FAM47B: variants seen among roughly 807,000 people sequenced by gnomAD.
FAM47B encodes the protein protein FAM47B.
For missense variants in FAM47B, 581 were observed against 550.1 expected (o/e 1.06, Z -0.56); for synonymous variants, 247 against 215.8 (o/e 1.14, Z -1.27).
chrX:34,943,703 G>A lies in FAM47B; in HGVS notation c.872G>A (p.Arg291His), dbSNP rs765110360. 6.6e-6 allele frequency: 8 copies of A among 1,206,261 alleles called. No homozygotes were observed. The highest frequency in any genetic ancestry group is 7.8e-6 in the Non-Finnish European group (7 of 894,035). The change falls in exon 1 of 1, where the codon CGC becomes CAC. Residue 291 changes from arginine (R) to histidine (H), a missense_variant. Coordinates refer to ENST00000329357, the MANE Select transcript of FAM47B (RefSeq NM_152631.3). ...CTCTGCCCGGAGCCTCCCGAGACTC[G>A]CGTATCTCATCTCCACCCGGAGCCT... ...SHLCPEPPETRVSHLHPEPPE... is the reference protein window; with the variant it reads ...SHLCPEPPETHVSHLHPEPPE...
Position 34,944,332 on chromosome X carries a change from G to A in FAM47B, c.1501G>A (p.Ala501Thr), listed in dbSNP as rs767070167. The A allele has an allele frequency of 1.7e-6, 2 of 1,210,076 alleles. No homozygotes were observed. Among genetic ancestry groups the A allele is most frequent in the African/African-American group, 1.7e-5 (1 of 57,212 alleles). Reference protein sequence around the residue: ...TTDQDQKIKKANECASRLMYG... With the variant: ...TTDQDQKIKKTNECASRLMYG... The stretch of plus-strand genomic sequence containing the variant: ...CGATCAAGACCAAAAGATTAAGAAG[G>A]CAAACGAGTGTGCTTCAAGGCTGAT... The change falls in exon 1 of 1, where the codon GCA becomes ACA. Residue 501 changes from alanine (A) to threonine (T), a missense_variant. Coordinates refer to ENST00000329357, the MANE Select transcript of FAM47B (RefSeq NM_152631.3).
chrX:34,944,909 T>C lies in FAM47B; in HGVS notation c.*140T>C, dbSNP rs2147220919. On this transcript the variant is annotated 3_prime_UTR_variant, in exon 1 of 1. Transcript: ENST00000329357. Reference sequence around the variant, plus strand: ...AATACCCAATGCTTATAAATATGTCTTAATGACCTGCTTTGGCCTCATTAT... The same window carrying C: ...AATACCCAATGCTTATAAATATGTCCTAATGACCTGCTTTGGCCTCATTAT... 1.6e-6 allele frequency: 1 copy of C among 621,033 alleles called. No homozygotes were observed. Among genetic ancestry groups the C allele is most frequent in the East Asian group, 3.6e-5 (1 of 27,419 alleles). 51.2% of individuals were successfully genotyped at this position (621,033 alleles called of 1,213,427 possible). A position where few individuals can be genotyped will look rare whatever the true frequency, so the allele number is the denominator to read the frequency against.
At position 34,943,206 on chromosome X, in the gene FAM47B, G is replaced by A. The variant is rs932082927; in HGVS notation, c.375G>A (p.Leu125=). 1.4e-5 allele frequency: 17 copies of A among 1,209,203 alleles called. No homozygotes were observed. Among genetic ancestry groups the A allele is most frequent in the African/African-American group, 3.5e-5 (2 of 57,075 alleles). ...KAFVEEVEAQ[L]MTKHPLAMYP... is the part of the protein sequence containing the mutation. Reference sequence around the variant, plus strand: ...TCGTAGAGGAAGTGGAAGCCCAGCTGATGACCAAGCATCCCTTGGCCATGT... The same window carrying A: ...TCGTAGAGGAAGTGGAAGCCCAGCTAATGACCAAGCATCCCTTGGCCATGT... The change falls in exon 1 of 1, where the codon CTG becomes CTA. Residue 125 remains leucine, a synonymous_variant. Transcript: ENST00000329357.
rs189726016 is a variant in FAM47B at position 34,944,704 on chromosome X, A to T, written c.1873A>T (p.Ile625Phe). Residue 625 changes from isoleucine (I) to phenylalanine (F), a missense_variant, in exon 1 of 1, where the codon ATT (isoleucine) becomes TTT (phenylalanine). Ile to Phe is a conservative substitution (Grantham distance 21). Transcript: ENST00000329357. ...GWTYDSVKTP[I>F]QRAVQVYKYK... ...GACTTACGACTCTGTTAAGACTCCT[A>T]TTCAACGTGCAGTGCAAGTTTACAA... is the stretch of plus-strand genomic sequence containing the variant. 5.0e-6 allele frequency: 6 copies of T among 1,199,473 alleles called. No individual in the cohort carries two copies. In the East Asian group the frequency reaches 1.8e-4, roughly 36 times the overall value.
rs1926796138 is a variant in FAM47B at position 34,942,920 on chromosome X, T to G, written c.89T>G (p.Phe30Cys). Residue 30 changes from phenylalanine (F) to cysteine (C), a missense_variant, in exon 1 of 1, where the codon TTC (phenylalanine) becomes TGC (cysteine). Phe to Cys is a radical substitution (Grantham distance 205). Transcript: ENST00000329357. The stretch of plus-strand genomic sequence containing the variant: ...TGTGACAAACCGCCTTCCAAGTACT[T>G]CGCGAAGCGCAAGCACAGGCGCCTG... ...WYCDKPPSKYFAKRKHRRLRF... is the reference protein window; with the variant it reads ...WYCDKPPSKYCAKRKHRRLRF... 1 of 1,211,575 alleles carries G rather than the reference T, an allele frequency of 8.3e-7. No individual in the cohort carries two copies. Among genetic ancestry groups the G allele is most frequent in the African/African-American group, 1.7e-5 (1 of 57,771 alleles).
chrX:34,943,972 C>G lies in FAM47B; in HGVS notation c.1141C>G (p.His381Asp). The G allele has an allele frequency of 8.3e-7, 1 of 1,211,105 alleles. No homozygotes were observed. Among genetic ancestry groups the G allele is most frequent in the African/African-American group, 1.7e-5 (1 of 57,544 alleles). Reference sequence around the variant, plus strand: ...GGAACTCACCAAGCCTGGTAAATACCATTTTTGGGAATCCTGTCCGCGGCC... The same window carrying G: ...GGAACTCACCAAGCCTGGTAAATACGATTTTTGGGAATCCTGTCCGCGGCC... Reference protein sequence around the residue: ...TEELTKPGKYHFWESCPRPFE... With the variant: ...TEELTKPGKYDFWESCPRPFE... Residue 381 changes from histidine (H) to aspartate (D), a missense_variant, in exon 1 of 1, where the codon CAT becomes GAT. His to Asp is a moderately conservative substitution (Grantham distance 81, BLOSUM62 -1). Transcript: ENST00000329357.
rs757972013 is a variant in FAM47B, at chrX:34,943,560, C to T, written c.729C>T (p.Arg243=). The change falls in exon 1 of 1, where the codon CGC becomes CGT. Residue 243 remains arginine, a synonymous_variant. Coordinates refer to ENST00000329357, the MANE Select transcript of FAM47B (RefSeq NM_152631.3). Reference sequence around the variant, plus strand: ...TCCACCCGGAACCTCCAGAGACTCGCGCATCTCATCTCCGCGTGGATCCTC... The same window carrying T: ...TCCACCCGGAACCTCCAGAGACTCGTGCATCTCATCTCCGCGTGGATCCTC... ...SSLHPEPPET[R]ASHLRVDPPE... 5 of 1,205,459 alleles carry T rather than the reference C, an allele frequency of 4.1e-6. No homozygotes were observed. The highest frequency in any genetic ancestry group is 3.6e-5 in the African/African-American group (2 of 55,679).
Position 34,944,066 on chromosome X carries a change from T to G in FAM47B, c.1235T>G (p.Leu412Arg), listed in dbSNP as rs749150601. The stretch of plus-strand genomic sequence containing the variant: ...ACTCGTCGAATGGCCAGTCTCTGCC[T>G]GAAGCCTCCCAAGACTCGTCGGGTG... ...PITRRMASLC[L>R]KPPKTRRVSS... Residue 412 changes from leucine (L) to arginine (R), a missense_variant, in exon 1 of 1, where the codon CTG (leucine) becomes CGG (arginine). Physicochemically the swap from Leu to Arg is moderately radical, Grantham distance 102. Coordinates refer to ENST00000329357, the MANE Select transcript of FAM47B (RefSeq NM_152631.3). 1.7e-6 allele frequency: 2 copies of G among 1,201,932 alleles called. No individual in the cohort carries two copies. Among genetic ancestry groups the G allele is most frequent in the African/African-American group, 3.7e-5 (2 of 54,492 alleles).
chrX:34,944,477 G>C lies in FAM47B; in HGVS notation c.1646G>C (p.Gly549Ala). The change falls in exon 1 of 1, where the codon GGA becomes GCA. Residue 549 changes from glycine to alanine, a missense_variant. By Grantham distance (60) the Gly-to-Ala change is moderately conservative. Coordinates refer to ENST00000329357, the MANE Select transcript of FAM47B (RefSeq NM_152631.3). ...GCACAGCGTGGGAGGATAAGGTATG[G>C]ACCATGGTACTTCGAGCCTAAGTTG... ...YSAQRGRIRY[G>A]PWYFEPKLGK... 1 of 1,211,979 alleles carries C rather than the reference G, an allele frequency of 8.3e-7. No individual in the cohort carries two copies. The highest frequency in any genetic ancestry group is 1.1e-6 in the Non-Finnish European group (1 of 895,616).
In FAM47B at chrX:34,943,664, C is replaced by T. The variant is rs746599841; in HGVS notation, c.833C>T (p.Thr278Ile). The T allele has an allele frequency of 1.4e-5, 17 of 1,205,727 alleles. 1 individual carries two copies. In the Admixed American group the frequency reaches 3.5e-4, roughly 25 times the overall value. The change falls in exon 1 of 1, where the codon ACT becomes ATT. Residue 278 changes from threonine (T) to isoleucine (I), a missense_variant. Coordinates refer to ENST00000329357, the MANE Select transcript of FAM47B (RefSeq NM_152631.3). ...VSSVHPEPPDTGASHLCPEPP... is the reference protein window; with the variant it reads ...VSSVHPEPPDIGASHLCPEPP... ...AGTGTCCACCCAGAGCCTCCTGATA[C>T]TGGAGCGTCCCATCTCTGCCCGGAG... is the stretch of plus-strand genomic sequence containing the variant.
Position 34,944,405 on chromosome X carries a change from T to C in FAM47B, c.1574T>C (p.Ile525Thr), listed in dbSNP as rs1458241491. ...ATGGATGAGGTCGAATTCTTACGGA[T>C]AAAATACTGGGACAGGAGACGCCGG... ...DDMDEVEFLR[I>T]KYWDRRRRAA... Residue 525 changes from isoleucine to threonine, a missense_variant, in exon 1 of 1, where the codon ATA becomes ACA. By Grantham distance (89) the Ile-to-Thr change is moderately conservative. Coordinates refer to ENST00000329357, the MANE Select transcript of FAM47B (RefSeq NM_152631.3). The C allele has an allele frequency of 8.3e-7, 1 of 1,211,683 alleles. No individual in the cohort carries two copies. The highest frequency in any genetic ancestry group is 2.2e-5 in the Admixed American group (1 of 46,029).
Position 34,943,251 on chromosome X carries a change from T to C in FAM47B, c.420T>C (p.Asp140=), listed in dbSNP as rs773937908. The change falls in exon 1 of 1, where the codon GAT becomes GAC. Residue 140 remains aspartate, a synonymous_variant. Transcript: ENST00000329357. ...CCATGTACCCCAATCTGGGAAAAGA[T>C]ATGCCTCCAGATCTCCTACTACAGG... The part of the protein sequence containing the change: ...PLAMYPNLGK[D]MPPDLLLQVL... 2 of 1,211,216 alleles carry C rather than the reference T, an allele frequency of 1.7e-6. No individual in the cohort carries two copies. The highest frequency in any genetic ancestry group is 2.2e-6 in the Non-Finnish European group (2 of 895,362).
Position 34,943,375 on chromosome X carries a change from T to C in FAM47B, c.544T>C (p.Tyr182His), listed in dbSNP as rs147688579. 12,641 of 1,208,357 alleles carry C rather than the reference T, an allele frequency of 0.01. 53 individuals carry two copies. The highest frequency in any genetic ancestry group is 0.018 in the South Asian group (1,003 of 56,601). ...CGAGGTACCCACCGAGTCTGGTAAA[T>C]ATCCCTGTGGGGAATCCTGCCCGCG... ...TTEVPTESGK[Y>H]PCGESCPRPP... is the part of the protein sequence containing the mutation. Residue 182 changes from tyrosine (Y) to histidine (H), a missense_variant, in exon 1 of 1, where the codon TAT (tyrosine) becomes CAT (histidine). Coordinates refer to ENST00000329357, the MANE Select transcript of FAM47B (RefSeq NM_152631.3).
At position 34,942,894 on chromosome X, in the gene FAM47B, C is replaced by T. The variant is rs752740595; in HGVS notation, c.63C>T (p.Tyr21=). Residue 21 remains tyrosine (Y), a synonymous_variant, in exon 1 of 1, where the codon TAC becomes TAT. Transcript: ENST00000329357. ...RSQGMDSKPW[Y]CDKPPSKYFA... is the part of the protein sequence containing the mutation. ...AAGGCATGGACTCCAAGCCCTGGTA[C>T]TGTGACAAACCGCCTTCCAAGTACT... is the stretch of plus-strand genomic sequence containing the variant. The T allele has an allele frequency of 8.3e-7, 1 of 1,212,039 alleles. No homozygotes were observed. The highest frequency in any genetic ancestry group is 1.8e-5 in the South Asian group (1 of 56,982).
rs754760581 is a variant in FAM47B, at chrX:34,943,303, A to G, written c.472A>G (p.Lys158Glu). The stretch of plus-strand genomic sequence containing the variant: ...GCTGAAACAGCTGGATCCCGAGAGG[A>G]AGCTGGAGGACGCTTGGGCTCGTTG... ...QVLKQLDPERKLEDAWARCEA... is the reference protein window; with the variant it reads ...QVLKQLDPERELEDAWARCEA... The change falls in exon 1 of 1, where the codon AAG (lysine) becomes GAG (glutamate). Residue 158 changes from lysine (K) to glutamate (E), a missense_variant. Coordinates refer to ENST00000329357, the MANE Select transcript of FAM47B (RefSeq NM_152631.3). 18 of 1,209,049 alleles carry G rather than the reference A, an allele frequency of 1.5e-5. No homozygotes were observed. The highest frequency in any genetic ancestry group is 2.0e-5 in the Non-Finnish European group (18 of 894,909).
chrX:34,944,288 C>T lies in FAM47B; in HGVS notation c.1457C>T (p.Thr486Ile), dbSNP rs370674369. Residue 486 changes from threonine to isoleucine, a missense_variant, in exon 1 of 1, where the codon ACC (threonine) becomes ATC (isoleucine). By Grantham distance (89) the Thr-to-Ile change is moderately conservative. Coordinates refer to ENST00000329357, the MANE Select transcript of FAM47B (RefSeq NM_152631.3). The stretch of plus-strand genomic sequence containing the variant: ...TCCATCAGCAGTCTGTTTGACTTTA[C>T]CCCTGAGTGCAGAACAACCGATCAA... Reference protein sequence around the residue: ...EESISSLFDFTPECRTTDQDQ... With the variant: ...EESISSLFDFIPECRTTDQDQ... The T allele has an allele frequency of 4.4e-5, 53 of 1,209,963 alleles. No individual in the cohort carries two copies. The South Asian group carries it at 8.6e-4, about 20-fold the overall frequency.
chrX:34,943,118 AG>A lies in FAM47B; in HGVS notation c.288del (p.Lys96AsnfsTer23). 8.3e-7 allele frequency: 1 copy of A among 1,211,873 alleles called. No homozygotes were observed. On this transcript the variant is annotated frameshift_variant, in exon 1 of 1. Transcript: ENST00000329357. LOFTEE classifies it low-confidence loss of function (END_TRUNC). ...GCTGACCGCAAAAGCAGGAAGAAAAAGCTGCTCAAGAAAGCGGCCCTATTTT... is the reference window on the plus strand; with the variant it reads ...GCTGACCGCAAAAGCAGGAAGAAAAACTGCTCAAGAAAGCGGCCCTATTTT... Reference protein sequence around the residue: ...PQADRKSRKKKLLKKAALFSE... With the variant: ...PQADRKSRKKXLLKKAALFSE...
Position 34,944,686 on chromosome X carries a change from G to A in FAM47B, c.1855G>A (p.Asp619Asn), listed in dbSNP as rs377583305. Reference sequence around the variant, plus strand: ...GTTTGCCAAGAAGGGATGGACTTACGACTCTGTTAAGACTCCTATTCAACG... The same window carrying A: ...GTTTGCCAAGAAGGGATGGACTTACAACTCTGTTAAGACTCCTATTCAACG... ...KLFAKKGWTYDSVKTPIQRAV... is the reference protein window; with the variant it reads ...KLFAKKGWTYNSVKTPIQRAV... Residue 619 changes from aspartate (D) to asparagine (N), a missense_variant, in exon 1 of 1, where the codon GAC becomes AAC. By Grantham distance (23) the Asp-to-Asn change is conservative. Coordinates refer to ENST00000329357, the MANE Select transcript of FAM47B (RefSeq NM_152631.3). 7.3e-5 allele frequency: 88 copies of A among 1,208,525 alleles called. No homozygotes were observed. Among genetic ancestry groups the A allele is most frequent in the Admixed American group, 1.1e-4 (5 of 45,609 alleles).
Position 34,943,151 on chromosome X carries a change from T to C in FAM47B, c.320T>C (p.Leu107Pro). Residue 107 changes from leucine (L) to proline (P), a missense_variant, in exon 1 of 1, where the codon CTC becomes CCC. By Grantham distance (98) the Leu-to-Pro change is moderately conservative. Coordinates refer to ENST00000329357, the MANE Select transcript of FAM47B (RefSeq NM_152631.3). ...LLKKAALFSE[L>P]SPVQPARKAF... ...AAGAAAGCGGCCCTATTTTCCGAGC[T>C]CTCGCCAGTACAGCCAGCACGGAAG... 1 of 1,211,412 alleles carries C rather than the reference T, an allele frequency of 8.3e-7. No individual in the cohort carries two copies. The highest frequency in any genetic ancestry group is 1.1e-6 in the Non-Finnish European group (1 of 895,425).
Sources: gnomAD v4.1 joint callset for allele counts on GRCh38, gnomAD v4.1.1 for gene constraint, MANE v1.5 for transcripts, NCBI Gene and HGNC (gene_info 2026-07-23, HGNC 2026-07-21) for gene names.